PCDHA11: variants seen among roughly 807,000 people sequenced by gnomAD.
The protein encoded by PCDHA11 is protocadherin alpha 11, also known as protocadherin alpha-11.
In PCDHA11, 61 loss-of-function variants were observed where a neutral mutation model predicts 70.3. That is an observed-to-expected ratio of 0.87 (90% CI 0.71 to 1.07). The LOEUF is 1.07. Among genes scored for constraint, PCDHA11 ranks in the 50% least tolerant of loss-of-function variants. The pLI, the probability that PCDHA11 is intolerant of heterozygous loss-of-function variation, is 0.00. For synonymous variants in PCDHA11, 633 were observed against 555.1 expected (o/e 1.14, Z -1.97); for missense variants, 1,324 against 1,237.5 (o/e 1.07, Z -1.05).
At chr5:140,972,514 A>G (rs2096539827) in intron 1 of PCDHA11, among the ~76,000 whole-genome samples, 1 of 152,260 alleles carries the variant, frequency 6.6e-6, no homozygotes, top group Admixed American at 6.5e-5. Context: ...TTTTACCCCC[A>G]GTGAGCTTAT....
chr5:140,979,566 G>A (rs2096856791), intron 2 of PCDHA11, among the ~76,000 whole-genome samples: 1 of 152,194 alleles, frequency 6.6e-6, no homozygotes, highest in Non-Finnish European at 1.5e-5. Flanking sequence ...GATGAGCCAT[G>A]TAAAGGGCTC....
chr5:140,933,429 G>A (rs2089147163), intron 1 of PCDHA11, among the ~76,000 whole-genome samples: 1 of 151,830 alleles, frequency 6.6e-6, no homozygotes, highest in South Asian at 2.1e-4. Flanking sequence ...GTTCATAGGG[G>A]CACTCTAATG....
At chr5:140,944,870 A>T (rs2093703572) in intron 1 of PCDHA11, among the ~76,000 whole-genome samples, 1 of 152,058 alleles carries the variant, frequency 6.6e-6, no homozygotes, top group Non-Finnish European at 1.5e-5. Flanking sequence ...TATCTTAACC[A>T]CCTACTCCAC....
intron 3 of PCDHA11, among the ~76,000 whole-genome samples, chr5:140,991,067 A>C (rs2097429962): frequency 6.6e-6 from 1 of 152,184 alleles, no homozygotes; most frequent in Admixed American, 6.5e-5. Flanking sequence ...TATTATTCCC[A>C]TGTTTCAGAT....
At chr5:140,935,047 A>G (rs782161261) in intron 1 of PCDHA11, among the ~76,000 whole-genome samples, 11 of 152,140 alleles carry the variant, frequency 7.2e-5, no homozygotes, top group Admixed American at 3.3e-4. Flanking sequence ...GATTTCTGGT[A>G]TTACAAGATG....
intron 1 of PCDHA11, among the ~76,000 whole-genome samples, chr5:140,900,657 C>T (rs116775770): frequency 0.011 from 1,723 of 152,294 alleles, 23 homozygotes; most frequent in African/African-American, 0.039. Context: ...CTGCAATGAA[C>T]AATGGGAGTG....
intron 1 of PCDHA11, among the ~76,000 whole-genome samples, chr5:140,978,488 C>A (rs1453613410): frequency 6.6e-6 from 1 of 152,224 alleles, no homozygotes; most frequent in African/African-American, 2.4e-5. Context: ...TCTGCAAAGC[C>A]AGCAGCAGAT....
At chr5:140,886,899 A>G (rs1054848231) in intron 1 of PCDHA11, among the ~76,000 whole-genome samples, 1 of 152,020 alleles carries the variant, frequency 6.6e-6, no homozygotes, top group Admixed American at 6.6e-5. Flanking sequence ...AATGCATTTA[A>G]TAAATACTTA....
chr5:140,993,783 T>C (rs1402072576), intron 3 of PCDHA11, among the ~76,000 whole-genome samples: 2 of 152,230 alleles, frequency 1.3e-5, no homozygotes, highest in East Asian at 3.9e-4. Flanking sequence ...TTTTGTACAG[T>C]AACATGCTGT....
At chr5:140,968,578 C>T in intron 1 of PCDHA11, 3 of 1,614,206 alleles carry the variant, frequency 1.9e-6, no homozygotes, top group Non-Finnish European at 2.5e-6. Context: ...GCTACCTGGT[C>T]ACCAAAGTCA....
rs982709387 is a variant in PCDHA11, at chr5:141,003,306, C to T, written c.2540-6321C>T. ...TGGATTATAGGATTACATGAAGTGG[C>T]CAGCTACTTCCAGAGGGCAGGGTTT... On this transcript the variant is annotated intron_variant, in intron 3 of 3. Coordinates refer to ENST00000398640, the MANE Select transcript of PCDHA11 (RefSeq NM_018902.5). 1.7e-4 allele frequency among the ~76,000 whole-genome samples: 26 copies of T among 152,276 alleles called. No homozygotes were observed. In the East Asian group the frequency reaches 4.1e-3, roughly 24 times the overall value.
At chr5:140,889,121 G>A (rs2062113098) in intron 1 of PCDHA11, among the ~76,000 whole-genome samples, 1 of 151,724 alleles carries the variant, frequency 6.6e-6, no homozygotes, top group East Asian at 1.9e-4. Flanking sequence ...AGGTGATACT[G>A]ATATGTCCTA....
chr5:140,882,767 G>T lies in PCDHA11; in HGVS notation c.2391+11273G>T, dbSNP rs1348655523. ...CGATGCAGATATTGGAGTAAACTCG[G>T]CATTGACCTACCGACTGGATCCCAA... On this transcript the variant is annotated intron_variant, in intron 1 of 3. Transcript: ENST00000398640. 1.9e-6 allele frequency: 3 copies of T among 1,614,058 alleles called. No individual in the cohort carries two copies. The South Asian group carries it at 3.3e-5, about 18-fold the overall frequency.
At chr5:140,887,982 A>T (rs1372528675) in intron 1 of PCDHA11, among the ~76,000 whole-genome samples, 1 of 152,180 alleles carries the variant, frequency 6.6e-6, no homozygotes, top group African/African-American at 2.4e-5. Flanking sequence ...AATTTATTTT[A>T]CATGTCTCCA....
At chr5:141,000,391 CTCTCTA>C (rs1434799221) in intron 3 of PCDHA11, among the ~76,000 whole-genome samples, 1,083 of 55,870 alleles carry the variant, frequency 0.019, 5 homozygotes, top group Non-Finnish European at 0.023. Context: ...CTCTCTCTCT[CTCTCTA>C]TATATATATA....
intron 1 of PCDHA11, among the ~76,000 whole-genome samples, chr5:140,971,716 A>G (rs1554233565): frequency 1.3e-5 from 2 of 152,026 alleles, no homozygotes; most frequent in African/African-American, 4.8e-5. Context: ...ATATAGATAT[A>G]TGTATATCAT....
At chr5:140,968,349 G>A (rs1554230631) in intron 1 of PCDHA11, 2 of 1,614,128 alleles carry the variant, frequency 1.2e-6, no homozygotes, top group Admixed American at 3.3e-5. Context: ...AACAGTGCCA[G>A]TGGCAGCCTT....
rs1554164436 is a variant in PCDHA11 at position 140,870,582 on chromosome 5, G to T, written c.1479G>T (p.Leu493=). 2 of 1,613,846 alleles carry T rather than the reference G, an allele frequency of 1.2e-6. No individual in the cohort carries two copies. The highest frequency in any genetic ancestry group is 1.7e-6 in the Non-Finnish European group (2 of 1,179,942). ...AQENALVSYS[L]VERRLGDRAL... is the part of the protein sequence containing the mutation. ...AGAACGCGCTGGTGTCCTACTCGCT[G>T]GTGGAGCGGCGGTTGGGCGACCGCG... The change falls in exon 1 of 4, where the codon CTG becomes CTT. Residue 493 remains leucine (L), a synonymous_variant. Transcript: ENST00000398640.
At chr5:140,958,530 A>G (rs1283308982) in intron 1 of PCDHA11, among the ~76,000 whole-genome samples, 1 of 152,188 alleles carries the variant, frequency 6.6e-6, no homozygotes, top group East Asian at 1.9e-4. Flanking sequence ...TACTATGTGT[A>G]CATTGATTTA....
Sources: gnomAD v4.1 joint callset for allele counts (sites outside exome capture counted in the v4.1 genomes callset) on GRCh38, gnomAD v4.1.1 for gene constraint, MANE v1.5 for transcripts, NCBI Gene and HGNC (gene_info 2026-07-23, HGNC 2026-07-21) for gene names.